Variants in KCNQ3 observed in about 807,000 individuals in gnomAD.
KCNQ3 encodes the protein potassium voltage-gated channel subfamily Q member 3.
KCNQ3 carries 30 observed loss-of-function variants against 92.5 expected under a neutral mutation model. The ratio of observed to expected loss-of-function variants is 0.32; its 90% CI spans 0.24 to 0.44. The LOEUF is 0.44. Ranked by LOEUF, KCNQ3 falls within the 20% of genes least tolerant of loss-of-function variation. KCNQ3 has a pLI of 1.00. For synonymous variants in KCNQ3, 450 were observed against 468.8 expected, an observed-to-expected ratio of 0.96 and a Z score of 0.52; for missense variants, 913 against 1,140.3, an observed-to-expected ratio of 0.80 and a Z score of 2.87.
At chr8:132,408,129 G>T (rs756355867) in intron 1 of KCNQ3, among the ~76,000 whole-genome samples, 2 of 137,096 alleles carry the variant, frequency 1.5e-5, no homozygotes, top group Non-Finnish European at 3.1e-5. Flanking sequence ...AAAAAGTATT[G>T]TGCAGAATAT....
intron 1 of KCNQ3, among the ~76,000 whole-genome samples, chr8:132,385,965 A>G (rs923012745): frequency 2.0e-5 from 3 of 152,202 alleles, no homozygotes; most frequent in Admixed American, 2.0e-4. Flanking sequence ...ACAATTTTGT[A>G]TCTACTAGAA....
rs78959712 is a variant in KCNQ3 at position 132,395,341 on chromosome 8, T to C, written c.386+84806A>G. Reference sequence around the variant, plus strand: ...TAACTATGGTCATCCTACAGGAGTATAGAACACTAGAACTTATTCCTCCTG... The same window carrying C: ...TAACTATGGTCATCCTACAGGAGTACAGAACACTAGAACTTATTCCTCCTG... On this transcript the variant is annotated intron_variant, in intron 1 of 14. Transcript: ENST00000388996. 7.5e-3 allele frequency among the ~76,000 whole-genome samples: 1,135 copies of C among 152,292 alleles called. 12 individuals carry two copies. The highest frequency in any genetic ancestry group is 0.026 in the African/African-American group (1,072 of 41,564).
intron 1 of KCNQ3, among the ~76,000 whole-genome samples, chr8:132,193,140 G>A (rs1268922052): frequency 1.3e-5 from 2 of 152,086 alleles, no homozygotes; most frequent in African/African-American, 4.8e-5. Flanking sequence ...AAGGGTTTGC[G>A]GCCAGGAGTC....
At chr8:132,164,309 G>C (rs965682611) in intron 8 of KCNQ3, among the ~76,000 whole-genome samples, 14 of 150,590 alleles carry the variant, frequency 9.3e-5, no homozygotes, top group African/African-American at 3.5e-4. Flanking sequence ...TTATTACGTG[G>C]ATCACATTGT....
intron 1 of KCNQ3, among the ~76,000 whole-genome samples, chr8:132,426,657 C>G (rs1821120712): frequency 6.6e-6 from 1 of 152,228 alleles, no homozygotes; most frequent in Non-Finnish European, 1.5e-5. Flanking sequence ...AAAGCACCAG[C>G]TGGTGTGCTG....
chr8:132,392,890 C>T (rs1157318045), intron 1 of KCNQ3, among the ~76,000 whole-genome samples: 3 of 150,090 alleles, frequency 2.0e-5, no homozygotes, highest in Non-Finnish European at 4.4e-5. Context: ...CACTTTTCAT[C>T]TTATATCTTA....
At chr8:132,190,958 G>T (rs1827136914) in intron 1 of KCNQ3, among the ~76,000 whole-genome samples, 2 of 152,160 alleles carry the variant, frequency 1.3e-5, no homozygotes, top group South Asian at 2.1e-4. Context: ...GTATCTCAGT[G>T]AATAGCTCAA....
chr8:132,138,683 T>C (rs76558387), intron 11 of KCNQ3, among the ~76,000 whole-genome samples: 2,051 of 152,344 alleles, frequency 0.013, 30 homozygotes, highest in Non-Finnish European at 0.023. Flanking sequence ...TTAACTTCTG[T>C]TGAGCACAGA....
At chr8:132,370,471 C>G (rs1024642560) in intron 1 of KCNQ3, among the ~76,000 whole-genome samples, 1 of 152,162 alleles carries the variant, frequency 6.6e-6, no homozygotes, top group Non-Finnish European at 1.5e-5. Context: ...GGTGTGGGGA[C>G]AGGGCAGCAT....
chr8:132,258,586 C>T (rs1734372520), intron 1 of KCNQ3, among the ~76,000 whole-genome samples: 1 of 151,788 alleles, frequency 6.6e-6, no homozygotes, highest in African/African-American at 2.4e-5. Context: ...CCTAAACTTC[C>T]ACCTTAAGAA....
chr8:132,291,884 T>A (rs958673421), intron 1 of KCNQ3, among the ~76,000 whole-genome samples: 2 of 152,178 alleles, frequency 1.3e-5, no homozygotes, highest in African/African-American at 4.8e-5. Context: ...TTGGCCTCCA[T>A]AAGTTGCAGA....
At chr8:132,183,222 G>A (rs1826849513) in intron 3 of KCNQ3, among the ~76,000 whole-genome samples, 1 of 152,186 alleles carries the variant, frequency 6.6e-6, no homozygotes, top group African/African-American at 2.4e-5. Flanking sequence ...TGTAAGGTAA[G>A]TTGAAGCCAC....
chr8:132,455,789 T>C (rs1821925157), intron 1 of KCNQ3, among the ~76,000 whole-genome samples: 1 of 152,202 alleles, frequency 6.6e-6, no homozygotes, highest in Non-Finnish European at 1.5e-5. Context: ...TCGCCCAGGC[T>C]GGAGTATAGT....
rs1397843816 is a variant in KCNQ3, at chr8:132,129,762, C to T, written c.2119G>A (p.Val707Ile). The T allele has an allele frequency of 1.2e-6, 2 of 1,614,070 alleles. No homozygotes were observed. Among genetic ancestry groups the T allele is most frequent in the Non-Finnish European group, 1.7e-6 (2 of 1,180,050 alleles). ...YSFHQVTIDKVSPYGFFAHDP... is the reference protein window; with the variant it reads ...YSFHQVTIDKISPYGFFAHDP... The stretch of plus-strand genomic sequence containing the variant: ...TGTGCAAAAAACCCATAGGGGCTGA[C>T]TTTGTCAATGGTCACCTGGTGGAAG... The change falls in exon 15 of 15, where the codon GTC (valine) becomes ATC (isoleucine). Residue 707 changes from valine (V) to isoleucine (I), a missense_variant. Val to Ile is a conservative substitution (Grantham distance 29, BLOSUM62 3). Coordinates refer to ENST00000388996, the MANE Select transcript of KCNQ3 (RefSeq NM_004519.4). This position sits in a 1 kb window ranked among gnomAD's most constrained non-coding sequence, Gnocchi z 5.9.
At chr8:132,305,076 C>T (rs1817376769) in intron 1 of KCNQ3, among the ~76,000 whole-genome samples, 1 of 152,116 alleles carries the variant, frequency 6.6e-6, no homozygotes, top group Admixed American at 6.6e-5. Context: ...TCTCTGCAGA[C>T]CACTTCATCT....
At chr8:132,279,708 A>C (rs1403274400) in intron 1 of KCNQ3, among the ~76,000 whole-genome samples, 1 of 152,260 alleles carries the variant, frequency 6.6e-6, no homozygotes, top group Non-Finnish European at 1.5e-5. Flanking sequence ...GTATGTCTAC[A>C]TATATGCACA....
At chr8:132,479,102 G>A (rs750117016) in intron 1 of KCNQ3, among the ~76,000 whole-genome samples, 27 of 152,150 alleles carry the variant, frequency 1.8e-4, no homozygotes, top group Non-Finnish European at 3.5e-4. Context: ...ATGGCTGGAC[G>A]TGCCCTGCCA....
Position 132,180,273 on chromosome 8 carries a change from C to T in KCNQ3, c.661G>A (p.Val221Ile). ...PVVAVGNQGN[V>I]LATSLRSLRF... Reference sequence around the variant, plus strand: ...AGGCTTCGCAGGGAGGTGGCCAGAACATTGCCTTGGTTTCCCACAGCAACC... The same window carrying T: ...AGGCTTCGCAGGGAGGTGGCCAGAATATTGCCTTGGTTTCCCACAGCAACC... The change falls in exon 4 of 15, where the codon GTT (valine) becomes ATT (isoleucine). Residue 221 changes from valine (V) to isoleucine (I), a missense_variant. This residue lies in a region of KCNQ3 where 100 missense variants were observed against 217.6 expected (regional missense o/e 0.46). Coordinates refer to ENST00000388996, the MANE Select transcript of KCNQ3 (RefSeq NM_004519.4). 6.2e-7 allele frequency: 1 copy of T among 1,614,172 alleles called. No homozygotes were observed. The highest frequency in any genetic ancestry group is 8.5e-7 in the Non-Finnish European group (1 of 1,180,044).
At chr8:132,206,092 C>T (rs559809432) in intron 1 of KCNQ3, among the ~76,000 whole-genome samples, 1 of 152,294 alleles carries the variant, frequency 6.6e-6, no homozygotes, top group African/African-American at 2.4e-5. Context: ...TAGATACAGG[C>T]ATTTTCTCGT....
Sources: allele counts gnomAD v4.1 joint callset (sites outside exome capture counted in the v4.1 genomes callset), GRCh38; gene constraint gnomAD v4.1.1; regional missense constraint gnomAD v4.1.1; non-coding constraint Gnocchi (gnomAD v3.1); transcripts MANE v1.5; gene names NCBI Gene and HGNC (gene_info 2026-07-23, HGNC 2026-07-21).